The following FRMPD4 variants were observed in gnomAD, a reference collection of about 807,000 sequenced individuals.
FRMPD4 encodes FERM and PDZ domain-containing protein 4.
Under a neutral mutation model 94.1 loss-of-function variants are expected in FRMPD4, and 22 were observed. The observed-to-expected ratio is 0.23, with a 90% CI of 0.17 to 0.33. The LOEUF is 0.33. FRMPD4 is among the 10% of genes least tolerant of loss of function. FRMPD4 has a pLI of 1.00. For missense variants in FRMPD4, 1,111 were observed against 1,339.9 expected, an observed-to-expected ratio of 0.83 and a Z score of 2.67; for synonymous variants, 631 against 548.6, an observed-to-expected ratio of 1.15 and a Z score of -2.10.
chrX:12,142,063 C>A (rs766135811), intron 1 of FRMPD4, among the ~76,000 whole-genome samples: 1 of 111,500 alleles, frequency 9.0e-6, no homozygotes, highest in East Asian at 2.8e-4. Flanking sequence ...GTGATATGTT[C>A]ATAGATTAAG....
chrX:12,622,026 G>GGAAA (rs1246162112), intron 4 of FRMPD4, among the ~76,000 whole-genome samples: 1 of 49,453 alleles, frequency 2.0e-5, no homozygotes, highest in African/African-American at 1.2e-4. Context: ...AAGGAAGGAA[G>GGAAA]GAAGGAAGGA....
intron 3 of FRMPD4, among the ~76,000 whole-genome samples, chrX:11,989,779 CAAAAATT>C (rs1241046216): frequency 2.7e-5 from 3 of 110,714 alleles, no homozygotes; most frequent in Non-Finnish European, 3.8e-5. Flanking sequence ...TATGTACCCA[CAAAAATT>C]AAAAATTAAA....
intron 1 of FRMPD4, among the ~76,000 whole-genome samples, chrX:12,179,910 G>A (rs992137924): frequency 9.4e-6 from 1 of 105,940 alleles, no homozygotes; most frequent in Non-Finnish European, 1.9e-5. Flanking sequence ...TTCTTTCCCA[G>A]AATTCTTTCA....
chrX:12,121,026 TTAATAATACTAAGACTTTA>T (rs1569162210), intron 3 of FRMPD4, among the ~76,000 whole-genome samples: 1 of 108,985 alleles, frequency 9.2e-6, no homozygotes, highest in African/African-American at 3.3e-5. Context: ...ATACTAAGAC[TTAATAATACTAAGACTTTA>T]TAATAATACT....
intron 4 of FRMPD4, among the ~76,000 whole-genome samples, chrX:12,658,072 G>T (rs2059676967): frequency 8.9e-6 from 1 of 111,878 alleles, no homozygotes; most frequent in Admixed American, 9.5e-5. Flanking sequence ...AGGAAAAGTG[G>T]CTCGGTCATG....
At chrX:12,439,069 T>A (rs2057103880) in intron 1 of FRMPD4, among the ~76,000 whole-genome samples, 1 of 110,866 alleles carries the variant, frequency 9.0e-6, no homozygotes, top group African/African-American at 3.3e-5. Context: ...AAAGGCAGAG[T>A]TGTTCATTGT....
chrX:12,709,386 A>T (rs1207727829), intron 13 of FRMPD4, among the ~76,000 whole-genome samples: 1 of 111,990 alleles, frequency 8.9e-6, no homozygotes, highest in African/African-American at 3.3e-5. Context: ...CTCTTTCAAC[A>T]AAAACACATC....
chrX:12,314,431 C>G (rs1223666169), intron 1 of FRMPD4, among the ~76,000 whole-genome samples: 1 of 110,781 alleles, frequency 9.0e-6, no homozygotes, highest in Non-Finnish European at 1.9e-5. Context: ...GATCCCAGAG[C>G]TGGAACTGAC....
At chrX:12,382,918 T>C (rs1475488176) in intron 1 of FRMPD4, among the ~76,000 whole-genome samples, 1 of 112,270 alleles carries the variant, frequency 8.9e-6, no homozygotes, top group African/African-American at 3.2e-5. Flanking sequence ...GCTGTAAACA[T>C]AATAGGGACT....
intron 3 of FRMPD4, among the ~76,000 whole-genome samples, chrX:12,118,751 A>T (rs6640901): frequency 1.8e-5 from 2 of 111,835 alleles, no homozygotes; most frequent in Non-Finnish European, 3.8e-5. Flanking sequence ...GAGATGTAGT[A>T]CATTTATATT....
At chrX:12,505,733 A>AACC (rs2057975532) in intron 2 of FRMPD4, among the ~76,000 whole-genome samples, 2 of 103,316 alleles carry the variant, frequency 1.9e-5, no homozygotes, top group African/African-American at 7.0e-5. Flanking sequence ...ATCCGAAAAA[A>AACC]AAAAAAAAAA....
rs745696533 is a variant in FRMPD4 at position 12,690,703 on chromosome X, TATTTAG to T, written c.813+378_813+383del. Among the ~76,000 whole-genome samples, 49 of 112,190 alleles carry T rather than the reference TATTTAG, an allele frequency of 4.4e-4. No homozygotes were observed. The East Asian group carries it at 0.012, about 28-fold the overall frequency. ...GATTACTTAAATTAATCCAAAATCA[TATTTAG>T]TTGTCTGAAATTCTGGGTGCATACT... On this transcript the variant is annotated intron_variant, in intron 8 of 16. Transcript: ENST00000675598.
intron 3 of FRMPD4, among the ~76,000 whole-genome samples, chrX:11,900,487 T>C (rs1011096575): frequency 8.9e-6 from 1 of 112,057 alleles, no homozygotes; most frequent in African/African-American, 3.2e-5. Flanking sequence ...TCGTCCCCTC[T>C]TTCTTTTCTT....
At chrX:12,447,832 A>G (rs1367974921) in intron 1 of FRMPD4, among the ~76,000 whole-genome samples, 1 of 112,418 alleles carries the variant, frequency 8.9e-6, no homozygotes, top group Non-Finnish European at 1.9e-5. Context: ...CCCTCTGTTA[A>G]GGTCCCTTAA....
intron 2 of FRMPD4, among the ~76,000 whole-genome samples, chrX:12,552,217 A>G (rs933033216): frequency 5.4e-5 from 6 of 112,003 alleles, no homozygotes; most frequent in African/African-American, 1.9e-4. Flanking sequence ...GGGAGCTAGC[A>G]GTATTTATTA....
At chrX:12,637,120 A>G (rs1380702863) in intron 4 of FRMPD4, among the ~76,000 whole-genome samples, 2 of 112,384 alleles carry the variant, frequency 1.8e-5, no homozygotes, top group Non-Finnish European at 3.8e-5. Context: ...ATGAGCTCAT[A>G]CTGATATGTC....
rs140357295 is a variant in FRMPD4, at chrX:12,519,647, A to T, written c.158+20851A>T. On this transcript the variant is annotated intron_variant, in intron 2 of 16. Transcript: ENST00000675598. ...ATGGAATGGGAGGAAATATTTGCAAATCATATATCTGATATGAGGTTAATA... is the reference window on the plus strand; with the variant it reads ...ATGGAATGGGAGGAAATATTTGCAATTCATATATCTGATATGAGGTTAATA... 7.7e-3 allele frequency among the ~76,000 whole-genome samples: 872 copies of T among 112,646 alleles called. 4 individuals carry two copies. Among genetic ancestry groups the T allele is most frequent in the Non-Finnish European group, 0.012 (645 of 53,262 alleles).
intron 1 of FRMPD4, among the ~76,000 whole-genome samples, chrX:12,288,426 C>T (rs2054632785): frequency 9.0e-6 from 1 of 111,482 alleles, no homozygotes; most frequent in Admixed American, 9.5e-5. Flanking sequence ...AATATCCCCC[C>T]TCAAACATCC....
At chrX:12,584,984 T>G (rs1363205847) in intron 2 of FRMPD4, among the ~76,000 whole-genome samples, 8 of 111,573 alleles carry the variant, frequency 7.2e-5, no homozygotes, top group Non-Finnish European at 1.5e-4. Context: ...GCAGTGGCAC[T>G]ATCTCTGTTC....
Sources: gnomAD v4.1 joint callset for allele counts (sites outside exome capture counted in the v4.1 genomes callset) on GRCh38, gnomAD v4.1.1 for gene constraint, MANE v1.5 for transcripts, NCBI Gene and HGNC (gene_info 2026-07-23, HGNC 2026-07-21) for gene names.